The following ARID1B variants were observed in gnomAD, a reference collection of about 807,000 sequenced individuals.
ARID1B encodes the protein AT-rich interaction domain 1B.
Under a neutral mutation model 212.3 loss-of-function variants are expected in ARID1B, and 30 were observed. That is an observed-to-expected ratio of 0.14 (90% CI 0.11 to 0.19). The LOEUF (loss-of-function observed/expected upper bound fraction) is 0.19. Ranked by LOEUF, ARID1B falls within the 10% of genes least tolerant of loss-of-function variation. ARID1B has a pLI of 1.00. For synonymous variants in ARID1B, 1,402 were observed against 1,301.7 expected (o/e 1.08, Z -1.66); for missense variants, 2,891 against 3,204.0 (o/e 0.90, Z 2.36).
intron 2 of ARID1B, among the ~76,000 whole-genome samples, chr6:156,881,478 G>A (rs1787093137): frequency 6.6e-6 from 1 of 152,076 alleles, no homozygotes; most frequent in Non-Finnish European, 1.5e-5. Context: ...TATATATATA[G>A]TGTCACATGT....
At chr6:157,143,422 AC>A (rs1183716972) in intron 7 of ARID1B, among the ~76,000 whole-genome samples, 1 of 146,862 alleles carries the variant, frequency 6.8e-6, no homozygotes, top group East Asian at 2.0e-4. Flanking sequence ...GAAGAAAGAT[AC>A]GTTATCGAGT....
intron 3 of ARID1B, among the ~76,000 whole-genome samples, chr6:156,902,313 A>G (rs1018557211): frequency 6.6e-6 from 1 of 152,192 alleles, no homozygotes; most frequent in Non-Finnish European, 1.5e-5. Flanking sequence ...ACATCAAAAT[A>G]TAATTTTCCA....
At chr6:156,905,250 G>GCGCGCACACACACACACACACACACA (rs1554265935) in intron 3 of ARID1B, among the ~76,000 whole-genome samples, 1 of 143,730 alleles carries the variant, frequency 7.0e-6, no homozygotes, top group Non-Finnish European at 1.5e-5. Context: ...ACATATGCAC[G>GCGCGCACACACACACACACACACACA]CACACACACA....
At chr6:156,847,759 CAAGTTAAGTA>C (rs1259699012) in intron 2 of ARID1B, among the ~76,000 whole-genome samples, 3 of 152,214 alleles carry the variant, frequency 2.0e-5, no homozygotes, top group South Asian at 2.1e-4. Context: ...GAAAAAGAGG[CAAGTTAAGTA>C]AAGTATTTTA....
chr6:156,811,642 C>T (rs1781559566), intron 1 of ARID1B, among the ~76,000 whole-genome samples: 1 of 152,178 alleles, frequency 6.6e-6, no homozygotes, highest in Non-Finnish European at 1.5e-5. Flanking sequence ...CCTGTGCATG[C>T]CTGTACCAGA....
rs968121954 is a variant in ARID1B, at chr6:156,778,448, C to T, written c.768C>T (p.Pro256=). 1.4e-6 allele frequency: 2 copies of T among 1,408,718 alleles called. No individual in the cohort carries two copies. The highest frequency in any genetic ancestry group is 3.0e-5 in the African/African-American group (2 of 66,140). 87.3% of individuals were successfully genotyped at this position (1,408,718 alleles called of 1,614,324 possible). A position where few individuals can be genotyped will look rare whatever the true frequency, so the allele number is the denominator to read the frequency against. The change falls in exon 1 of 20, where the codon CCC becomes CCT. Residue 256 remains proline (P), a synonymous_variant. Transcript: ENST00000636930. The part of the protein sequence containing the change: ...KDSAAGGQAD[P]PGPPLLSKPG... Reference sequence around the variant, plus strand: ...GTGCTGCGGGCGGCCAGGCCGACCCCCCGGGCCCGCCGCTGCTGAGCAAGC... The same window carrying T: ...GTGCTGCGGGCGGCCAGGCCGACCCTCCGGGCCCGCCGCTGCTGAGCAAGC...
intron 4 of ARID1B, among the ~76,000 whole-genome samples, chr6:156,988,164 C>A (rs955792525): frequency 6.6e-6 from 1 of 152,152 alleles, no homozygotes; most frequent in African/African-American, 2.4e-5. Flanking sequence ...TAGCTGGAGA[C>A]GCACTTAGTA....
At chr6:156,935,627 G>A (rs2128275650) in intron 4 of ARID1B, 51 bp downstream of exon 4, 1 of 1,455,498 alleles carries the variant, frequency 6.9e-7, no homozygotes, top group Non-Finnish European at 9.6e-7. Context: ...AAGACTTTTA[G>A]AAAGAGCTGT....
chr6:156,863,454 G>C (rs1243906174), intron 2 of ARID1B, among the ~76,000 whole-genome samples: 1 of 152,178 alleles, frequency 6.6e-6, no homozygotes, highest in Non-Finnish European at 1.5e-5. Flanking sequence ...CATAGAAAAA[G>C]AGGCCAGTTT....
chr6:157,023,617 G>A (rs1398419228), intron 4 of ARID1B: 3 of 152,188 alleles, frequency 2.0e-5, no homozygotes, highest in Non-Finnish European at 4.4e-5. Context: ...ACATCTAAGT[G>A]TGGTTTGCAG....
intron 2 of ARID1B, among the ~76,000 whole-genome samples, chr6:156,840,472 A>G (rs1269533070): frequency 6.6e-6 from 1 of 152,208 alleles, no homozygotes; most frequent in Non-Finnish European, 1.5e-5. Context: ...GGCATTTCAC[A>G]AACATTTCCA....
At chr6:156,922,650 C>T (rs1486481714) in intron 3 of ARID1B, among the ~76,000 whole-genome samples, 1 of 152,210 alleles carries the variant, frequency 6.6e-6, no homozygotes, top group African/African-American at 2.4e-5. Context: ...CAAAACATCT[C>T]TATGAAATTA....
intron 4 of ARID1B, chr6:157,072,645 CTT>C: frequency 6.6e-6 from 1 of 152,296 alleles, no homozygotes; most frequent in East Asian, 1.9e-4. Context: ...TGATTTCTAA[CTT>C]ATTGCTGTTA....
intron 2 of ARID1B, among the ~76,000 whole-genome samples, chr6:156,840,124 T>G (rs1373931519): frequency 1.3e-5 from 2 of 152,212 alleles, no homozygotes; most frequent in African/African-American, 4.8e-5. Context: ...CCTGGTAGCT[T>G]CTTCCTTCCC....
chr6:157,039,736 C>T (rs191283378), intron 4 of ARID1B, among the ~76,000 whole-genome samples: 822 of 62,788 alleles, frequency 0.013, 52 homozygotes, highest in African/African-American at 0.056. Flanking sequence ...TCTTTCCCTC[C>T]CTCCCTCCCT....
chr6:156,916,618 A>T (rs891958943), intron 3 of ARID1B, among the ~76,000 whole-genome samples: 8 of 151,874 alleles, frequency 5.3e-5, no homozygotes, highest in African/African-American at 1.9e-4. Flanking sequence ...TTTTGCTCTA[A>T]CGTTTCTGCT....
chr6:156,931,206 A>T (rs1791687343), intron 3 of ARID1B, among the ~76,000 whole-genome samples: 1 of 152,028 alleles, frequency 6.6e-6, no homozygotes, highest in Non-Finnish European at 1.5e-5. Flanking sequence ...AAAAAAAAAA[A>T]AAAAAAAATT....
At position 157,148,937 on chromosome 6, in the gene ARID1B, C is replaced by T. The variant is rs947046208; in HGVS notation, c.3075C>T (p.Asn1025=). Reference sequence around the variant, plus strand: ...CAGCAGTGATGCAGGCTGCTGCGAACTCAGCACAAAGCAGGTACGCCACCC... The same window carrying T: ...CAGCAGTGATGCAGGCTGCTGCGAATTCAGCACAAAGCAGGTACGCCACCC... ...AAAAVMQAAA[N]SAQSRQGSFP... The change falls in exon 8 of 20, where the codon AAC becomes AAT. Residue 1025 remains asparagine, a synonymous_variant. Coordinates refer to ENST00000636930, the MANE Select transcript of ARID1B (RefSeq NM_001374828.1). This position sits in a 1 kb window ranked among gnomAD's most constrained non-coding sequence, Gnocchi z 5.6. The T allele has an allele frequency of 1.1e-5, 18 of 1,611,644 alleles. No individual in the cohort carries two copies. The highest frequency in any genetic ancestry group is 1.4e-5 in the Non-Finnish European group (16 of 1,179,098).
At chr6:156,845,757 C>T (rs1038812722) in intron 2 of ARID1B, among the ~76,000 whole-genome samples, 10 of 151,964 alleles carry the variant, frequency 6.6e-5, no homozygotes, top group African/African-American at 2.2e-4. Flanking sequence ...TTTTTTTCTT[C>T]GTTAGGGGAG....
Sources: allele counts gnomAD v4.1 joint callset (sites outside exome capture counted in the v4.1 genomes callset), GRCh38; gene constraint gnomAD v4.1.1; non-coding constraint Gnocchi (gnomAD v3.1); transcripts MANE v1.5; gene names NCBI Gene and HGNC (gene_info 2026-07-23, HGNC 2026-07-21).